The following TULP4 variants were observed in gnomAD, a reference collection of about 807,000 sequenced individuals.
TULP4 encodes TUB like protein 4, also known as tubby-related protein 4.
A neutral mutation model predicts 129.0 loss-of-function variants in TULP4; 16 were observed. That is an observed-to-expected ratio of 0.12 (90% CI 0.08 to 0.19). The LOEUF (loss-of-function observed/expected upper bound fraction) is 0.19, where lower values mean the gene tolerates loss of function less well. TULP4 is among the 10% of genes least tolerant of loss of function. The pLI is 1.00. For missense variants in TULP4, 1,842 were observed against 2,059.1 expected, an observed-to-expected ratio of 0.89 and a Z score of 2.04; for synonymous variants, 998 against 854.0, an observed-to-expected ratio of 1.17 and a Z score of -2.94.
At chr6:158,340,471 T>C (rs6928278) in intron 1 of TULP4, among the ~76,000 whole-genome samples, 11,069 of 152,086 alleles carry the variant, frequency 0.073, 627 homozygotes, top group African/African-American at 0.16. Context: ...TGTGCATATC[T>C]CGTCAGCTGA....
chr6:158,423,527 T>C (rs1298575961), intron 2 of TULP4, among the ~76,000 whole-genome samples: 2 of 152,260 alleles, frequency 1.3e-5, no homozygotes, highest in South Asian at 2.1e-4. Flanking sequence ...TATTCATGCA[T>C]TGAAACATCA....
At chr6:158,352,753 G>A (rs188921017) in intron 1 of TULP4, among the ~76,000 whole-genome samples, 149 of 152,230 alleles carry the variant, frequency 9.8e-4, no homozygotes, top group African/African-American at 3.3e-3. Flanking sequence ...TGGATTTGGC[G>A]TGTTCTCCCC....
At chr6:158,323,552 TCCTTCCTAGGTAGTA>T (rs2128488238) in intron 1 of TULP4, among the ~76,000 whole-genome samples, 1 of 152,306 alleles carries the variant, frequency 6.6e-6, no homozygotes, top group Admixed American at 6.5e-5. Context: ...CTACCTTGTT[TCCTTCCTAGGTAGTA>T]CCTTTAGGTA....
chr6:158,305,196 C>A (rs1393277726), intron 1 of TULP4, among the ~76,000 whole-genome samples: 1 of 152,004 alleles, frequency 6.6e-6, no homozygotes, highest in African/African-American at 2.4e-5. Flanking sequence ...TCACTGGAGT[C>A]ATAAGGTATT....
chr6:158,390,619 A>G (rs1447933181), intron 1 of TULP4, among the ~76,000 whole-genome samples: 1 of 152,238 alleles, frequency 6.6e-6, no homozygotes, highest in Non-Finnish European at 1.5e-5. Context: ...GGACAAGCAA[A>G]TCACAACAGG....
chr6:158,483,669 T>G (rs764982802), intron 8 of TULP4, among the ~76,000 whole-genome samples: 15 of 152,120 alleles, frequency 9.9e-5, no homozygotes, highest in Admixed American at 4.6e-4. Flanking sequence ...TATCATTGTT[T>G]CTCAAAATGT....
At chr6:158,463,669 A>ATATATATAT (rs1562577342) in intron 6 of TULP4, among the ~76,000 whole-genome samples, 6 of 140,574 alleles carry the variant, frequency 4.3e-5, no homozygotes, top group African/African-American at 1.5e-4. Flanking sequence ...TATATATATA[A>ATATATATAT]AAAGAAAAAA....
intron 13 of TULP4, among the ~76,000 whole-genome samples, chr6:158,506,051 C>T (rs929468210): frequency 6.6e-6 from 1 of 151,796 alleles, no homozygotes; most frequent in African/African-American, 2.4e-5. Context: ...CTCACTGTCT[C>T]CATTGTGTTA....
chr6:158,459,353 C>CT lies in TULP4; in HGVS notation c.860-2210_860-2209insT, dbSNP rs1373069982. On this transcript the variant is annotated intron_variant, in intron 5 of 13. Transcript: ENST00000367097. Reference sequence around the variant, plus strand: ...GCTGAGGCAGGAGAATCGCTTGAACCCAGGAGGCGGAGGTTGCAGTGAGCC... The same window carrying CT: ...GCTGAGGCAGGAGAATCGCTTGAACCTCAGGAGGCGGAGGTTGCAGTGAGCC... 1.5e-4 allele frequency among the ~76,000 whole-genome samples: 23 copies of CT among 152,046 alleles called. 1 individual carries two copies. The highest frequency in any genetic ancestry group is 1.0e-3 in the South Asian group (5 of 4,814).
At chr6:158,486,036 T>C (rs770798121) in intron 8 of TULP4, among the ~76,000 whole-genome samples, 1 of 152,198 alleles carries the variant, frequency 6.6e-6, no homozygotes, top group Non-Finnish European at 1.5e-5. Flanking sequence ...GATATTGAAA[T>C]AAGTTAAGAC....
At chr6:158,452,344 T>G in intron 5 of TULP4, 76 bp downstream of exon 5, 4 of 1,557,390 alleles carry the variant, frequency 2.6e-6, no homozygotes, top group South Asian at 2.4e-5. Flanking sequence ...TCTTGTACAC[T>G]CTGTGCTTAC....
At chr6:158,481,490 A>C in intron 8 of TULP4, 1 of 622,340 alleles carries the variant, frequency 1.6e-6, no homozygotes, top group South Asian at 1.9e-5. Flanking sequence ...ACAGGTTTTT[A>C]ATCATATTCC....
intron 1 of TULP4, among the ~76,000 whole-genome samples, chr6:158,375,480 G>A (rs961831203): frequency 2.0e-5 from 3 of 152,186 alleles, no homozygotes; most frequent in Non-Finnish European, 4.4e-5. Context: ...CCAGACAGGT[G>A]AGGAGGATGA....
intron 1 of TULP4, among the ~76,000 whole-genome samples, chr6:158,341,730 C>T (rs1006565813): frequency 6.6e-6 from 1 of 152,044 alleles, no homozygotes; most frequent in African/African-American, 2.4e-5. Flanking sequence ...AATGTCTGTT[C>T]AGATCTTTTG....
At chr6:158,444,512 A>G (rs1023026905) in intron 3 of TULP4, among the ~76,000 whole-genome samples, 8 of 152,102 alleles carry the variant, frequency 5.3e-5, no homozygotes, top group East Asian at 3.8e-4. Context: ...AACTCTTACA[A>G]AAGAGTGAAC....
chr6:158,291,211 A>G (rs1778934340), intron 1 of TULP4, among the ~76,000 whole-genome samples: 2 of 152,132 alleles, frequency 1.3e-5, no homozygotes, highest in South Asian at 4.1e-4. Flanking sequence ...CTACCTGAAG[A>G]ATATTGTTTA....
chr6:158,397,046 A>G (rs1777733955), intron 1 of TULP4, among the ~76,000 whole-genome samples: 1 of 152,194 alleles, frequency 6.6e-6, no homozygotes, highest in Non-Finnish European at 1.5e-5. Flanking sequence ...TTTCAATAGT[A>G]AGGTGAATTT....
chr6:158,439,620 CAA>C (rs1778837780), intron 3 of TULP4, among the ~76,000 whole-genome samples: 1 of 149,204 alleles, frequency 6.7e-6, no homozygotes, highest in Non-Finnish European at 1.5e-5. Context: ...AGTTTCCCTG[CAA>C]AGACTTAAAA....
chr6:158,377,738 C>CT (rs1296650550), intron 1 of TULP4, among the ~76,000 whole-genome samples: 25 of 151,612 alleles, frequency 1.6e-4, no homozygotes, highest in African/African-American at 5.1e-4. Flanking sequence ...CGTACTAGGA[C>CT]TTTTTTTTTC....
Sources: gnomAD v4.1 joint callset for allele counts (sites outside exome capture counted in the v4.1 genomes callset) on GRCh38, gnomAD v4.1.1 for gene constraint, MANE v1.5 for transcripts, NCBI Gene and HGNC (gene_info 2026-07-23, HGNC 2026-07-21) for gene names.